Variants in SAMD5 observed in about 807,000 individuals in gnomAD.
SAMD5 encodes sterile alpha motif domain-containing protein 5.
SAMD5 carries 13 observed loss-of-function variants against 11.3 expected under a neutral mutation model. The ratio of observed to expected loss-of-function variants is 1.15; its 90% CI spans 0.75 to 1.83. The LOEUF is 1.83. Ranked by LOEUF, SAMD5 falls within the 40% of genes most tolerant of loss-of-function variation. SAMD5 has a pLI of 0.00. For synonymous variants in SAMD5, 129 were observed against 111.3 expected (o/e 1.16, Z -1.00); for missense variants, 255 against 239.1 (o/e 1.07, Z -0.44).
the SAMD5 span, among the ~76,000 whole-genome samples, chr6:147,751,172 C>T: frequency 5.3e-5 from 8 of 152,030 alleles, no homozygotes; most frequent in Non-Finnish European, 1.0e-4. Context: ...TGTCGAGACC[C>T]TTCAGGTTTT....
At chr6:147,951,129 A>T in the SAMD5 span, among the ~76,000 whole-genome samples, 1 of 151,532 alleles carries the variant, frequency 6.6e-6, no homozygotes, top group Non-Finnish European at 1.5e-5. Context: ...TCAAAGACCA[A>T]ACTGACCCTT....
At chr6:147,602,890 T>C (rs375302057) in intron 1 of SAMD5, among the ~76,000 whole-genome samples, 1 of 151,884 alleles carries the variant, frequency 6.6e-6, no homozygotes, top group Non-Finnish European at 1.5e-5. Context: ...TAAAATGAAA[T>C]GTGTGGTTGC....
Position 147,564,521 on chromosome 6 carries a change from A to T in SAMD5, c.*65A>T. ...CTGAAGACTGGAAAAGGGCATATTT[A>T]GAACCTTCTTTCAAAAAGGGAAATG... On this transcript the variant is annotated 3_prime_UTR_variant, in exon 2 of 2. Transcript: ENST00000367474. The T allele has an allele frequency of 1.1e-6, 1 of 900,172 alleles. No individual in the cohort carries two copies. Among genetic ancestry groups the T allele is most frequent in the Non-Finnish European group, 1.9e-6 (1 of 538,562 alleles). The allele number at this position is 900,172 out of a possible 1,614,324, so 55.8% of individuals were successfully genotyped here. A position where few individuals can be genotyped will look rare whatever the true frequency, so the allele number is the denominator to read the frequency against.
chr6:147,531,500 G>A (rs1441554370), intron 1 of SAMD5, among the ~76,000 whole-genome samples: 2 of 152,116 alleles, frequency 1.3e-5, no homozygotes, highest in African/African-American at 2.4e-5. Context: ...CCCCAGGCCC[G>A]GCATAATGCC....
At chr6:147,718,181 G>A (rs1408577084) in intron 1 of SAMD5, among the ~76,000 whole-genome samples, 1 of 152,164 alleles carries the variant, frequency 6.6e-6, no homozygotes, top group African/African-American at 2.4e-5. Context: ...GGGCACCAGG[G>A]TATCGTTTAG....
At chr6:147,644,993 T>G (rs1360079779) in intron 1 of SAMD5, among the ~76,000 whole-genome samples, 1 of 152,154 alleles carries the variant, frequency 6.6e-6, no homozygotes, top group Non-Finnish European at 1.5e-5. Flanking sequence ...GTCAGGATGC[T>G]CACAGATAGG....
chr6:147,729,180 C>T (rs1320268820), intron 1 of SAMD5, among the ~76,000 whole-genome samples: 1 of 152,158 alleles, frequency 6.6e-6, no homozygotes, highest in Non-Finnish European at 1.5e-5. Context: ...CTTATAAGGA[C>T]ACCAGTCATA....
At chr6:147,643,735 GGGAAGGAAAGAA>G (rs1205087343) in intron 1 of SAMD5, among the ~76,000 whole-genome samples, 2 of 102,072 alleles carry the variant, frequency 2.0e-5, no homozygotes, top group East Asian at 6.8e-4. Context: ...AAGAGAAAGA[GGGAAGGAAAGAA>G]GGAAGGAAGG....
At chr6:147,792,962 C>T in the SAMD5 span, among the ~76,000 whole-genome samples, 2 of 152,074 alleles carry the variant, frequency 1.3e-5, no homozygotes, top group Non-Finnish European at 2.9e-5. Flanking sequence ...GATACATCTC[C>T]CATGCAAAAA....
intron 1 of SAMD5, among the ~76,000 whole-genome samples, chr6:147,528,583 G>A (rs1038648904): frequency 6.6e-6 from 1 of 152,094 alleles, no homozygotes; most frequent in Non-Finnish European, 1.5e-5. Context: ...TTAACTTTAG[G>A]GGGATGCAGT....
At chr6:147,557,041 T>A (rs1443405806) in intron 1 of SAMD5, among the ~76,000 whole-genome samples, 2 of 152,254 alleles carry the variant, frequency 1.3e-5, no homozygotes, top group African/African-American at 2.4e-5. Flanking sequence ...TCAGTCTGCA[T>A]ATTAATATAC....
At chr6:147,516,418 A>G (rs552921666) in intron 1 of SAMD5, among the ~76,000 whole-genome samples, 3 of 152,284 alleles carry the variant, frequency 2.0e-5, no homozygotes, top group East Asian at 1.9e-4. Context: ...TCTGCTCCAT[A>G]CTAGGTCACT....
chr6:147,916,539 CATAA>C, the SAMD5 span, among the ~76,000 whole-genome samples: 26 of 152,118 alleles, frequency 1.7e-4, no homozygotes, highest in Non-Finnish European at 3.2e-4. Flanking sequence ...CTGTTGGCTG[CATAA>C]ATGTCTTTTT....
intron 1 of SAMD5, among the ~76,000 whole-genome samples, chr6:147,709,400 G>T (rs1791367468): frequency 6.6e-6 from 1 of 152,088 alleles, no homozygotes; most frequent in Non-Finnish European, 1.5e-5. Context: ...TGTAGGTGGG[G>T]GAGTTTTATT....
At chr6:147,686,923 T>G (rs886151437) in intron 1 of SAMD5, among the ~76,000 whole-genome samples, 1 of 152,156 alleles carries the variant, frequency 6.6e-6, no homozygotes, top group Non-Finnish European at 1.5e-5. Flanking sequence ...GGGATACATG[T>G]GCCGAACGTG....
chr6:147,788,929 A>G, the SAMD5 span, among the ~76,000 whole-genome samples: 1 of 151,724 alleles, frequency 6.6e-6, no homozygotes, highest in African/African-American at 2.4e-5. Context: ...TAAGAATACA[A>G]AAAAATTAGC....
chr6:147,645,399 C>T (rs1274008943), intron 1 of SAMD5, among the ~76,000 whole-genome samples: 3 of 152,080 alleles, frequency 2.0e-5, no homozygotes, highest in Admixed American at 6.6e-5. Context: ...TAAGCCCACG[C>T]AATATAATTT....
chr6:147,802,710 A>G, the SAMD5 span, among the ~76,000 whole-genome samples: 3 of 151,726 alleles, frequency 2.0e-5, no homozygotes, highest in Non-Finnish European at 4.4e-5. Context: ...ATAAAGTATA[A>G]CAATAAAAAG....
chr6:147,818,067 A>C, the SAMD5 span, among the ~76,000 whole-genome samples: 1 of 152,204 alleles, frequency 6.6e-6, no homozygotes, highest in African/African-American at 2.4e-5. Flanking sequence ...ATATCACATT[A>C]AGGTGTATTG....
Sources: allele counts gnomAD v4.1 joint callset (sites outside exome capture counted in the v4.1 genomes callset), GRCh38; gene constraint gnomAD v4.1.1; transcripts MANE v1.5; gene names NCBI Gene and HGNC (gene_info 2026-07-23, HGNC 2026-07-21).